Variants in EMX1 observed in about 807,000 individuals in gnomAD.
The protein encoded by EMX1 is empty spiracles homeobox 1, also known as homeobox protein EMX1.
In EMX1, 10 loss-of-function variants were observed where a neutral mutation model predicts 20.1. That is an observed-to-expected ratio of 0.50 (90% CI 0.31 to 0.84). The LOEUF is 0.84. Ranked by LOEUF, EMX1 falls within the 40% of genes least tolerant of loss-of-function variation. The pLI is 0.05. For missense variants in EMX1, 424 were observed against 431.9 expected (o/e 0.98, Z 0.16); for synonymous variants, 250 against 200.4 (o/e 1.25, Z -2.09).
rs1670989315 is a variant in EMX1 at position 72,917,577 on chromosome 2, G to A, written c.-276G>A. 3 of 204,828 alleles carry A rather than the reference G, an allele frequency of 1.5e-5. No homozygotes were observed. Among genetic ancestry groups the A allele is most frequent in the Non-Finnish European group, 2.9e-5 (3 of 103,830 alleles). The allele number at this position is 204,828 out of a possible 1,614,324, so 12.7% of individuals were successfully genotyped here. ...TGGGCAGGGCAGTGCGGGGACACCG[G>A]GGGCTGGGGTCGGTCCCAGCGGGAC... On this transcript the variant is annotated 5_prime_UTR_variant, in exon 1 of 3. Coordinates refer to ENST00000258106, the MANE Select transcript of EMX1 (RefSeq NM_004097.3).
Position 72,918,212 on chromosome 2 carries a change from C to T in EMX1, c.360C>T (p.Pro120=). 1 of 1,568,900 alleles carries T rather than the reference C, an allele frequency of 6.4e-7. No individual in the cohort carries two copies. Among genetic ancestry groups the T allele is most frequent in the Non-Finnish European group, 8.6e-7 (1 of 1,168,970 alleles). ...ACGGTGGGCCCGAGCTCGTGTTCCC[C>T]GAGGCCATGAACCACCCCGCGCTGA... ...SLYGGPELVF[P]EAMNHPALTV... is the part of the protein sequence containing the mutation. The change falls in exon 1 of 3, where the codon CCC becomes CCT. Residue 120 remains proline (P), a synonymous_variant. Coordinates refer to ENST00000258106, the MANE Select transcript of EMX1 (RefSeq NM_004097.3).
chr2:72,924,931 G>C (rs1005214353), intron 2 of EMX1, among the ~76,000 whole-genome samples: 1 of 152,246 alleles, frequency 6.6e-6, no homozygotes, highest in Non-Finnish European at 1.5e-5. Flanking sequence ...GAGCCGGTCC[G>C]CACTGGCTTT....
Position 72,919,180 on chromosome 2 carries a change from T to TGC in EMX1, c.520+808_520+809insGC, listed in dbSNP as rs375370553. Among the ~76,000 whole-genome samples the TGC allele has an allele frequency of 1.1e-4, 15 of 142,614 alleles. No homozygotes were observed. The East Asian group carries it at 1.3e-3, about 12-fold the overall frequency. 93.6% of individuals were successfully genotyped at this position (142,614 alleles called of 152,430 possible). A position where few individuals can be genotyped will look rare whatever the true frequency, so the allele number is the denominator to read the frequency against. On this transcript the variant is annotated intron_variant, in intron 1 of 2. Coordinates refer to ENST00000258106, the MANE Select transcript of EMX1 (RefSeq NM_004097.3). ...GCTAATAAAGATCCTCCACTGGCCC[T>TGC]ACACACACACACACACACACACACA...
At chr2:72,924,105 G>A in intron 1 of EMX1, 1 of 646,808 alleles carries the variant, frequency 1.5e-6, no homozygotes, top group South Asian at 1.8e-5. Flanking sequence ...TCGAGTGCGG[G>A]GAGGTGTTGC....
chr2:72,918,435 G>A, intron 1 of EMX1, 63 bp downstream of exon 1: 1 of 1,348,920 alleles, frequency 7.4e-7, no homozygotes, highest in Non-Finnish European at 9.5e-7. Flanking sequence ...GCGATGCGGG[G>A]GAGGCTCGGG....
Position 72,933,847 on chromosome 2 carries a change from G to C in EMX1, c.766G>C (p.Gly256Arg). 1 of 1,614,276 alleles carries C rather than the reference G, an allele frequency of 6.2e-7. No individual in the cohort carries two copies. Among genetic ancestry groups the C allele is most frequent in the Non-Finnish European group, 8.5e-7 (1 of 1,180,044 alleles). Residue 256 changes from glycine to arginine, a missense_variant, in exon 3 of 3, where the codon GGG becomes CGG. Coordinates refer to ENST00000258106, the MANE Select transcript of EMX1 (RefSeq NM_004097.3). ...KYKRQKLEEE[G>R]PESEQKKKGS... ...CAAACGGCAGAAGCTGGAGGAGGAA[G>C]GGCCTGAGTCCGAGCAGAAGAAGAA...
chr2:72,917,977 G>A lies in EMX1; in HGVS notation c.125G>A (p.Gly42Asp). ...ATMFQPAAKR[G>D]FTIESLVAKD... is the part of the protein sequence containing the mutation. ...ATGTTCCAGCCCGCGGCCAAGCGCG[G>A]CTTTACCATAGAGTCCTTGGTGGCC... Residue 42 changes from glycine (G) to aspartate (D), a missense_variant, in exon 1 of 3, where the codon GGC (glycine) becomes GAC (aspartate). Transcript: ENST00000258106. 1 of 1,488,090 alleles carries A rather than the reference G, an allele frequency of 6.7e-7. No homozygotes were observed. The highest frequency in any genetic ancestry group is 8.9e-7 in the Non-Finnish European group (1 of 1,126,802). The allele number at this position is 1,488,090 out of a possible 1,614,324, so 92.2% of individuals were successfully genotyped here.
chr2:72,918,787 G>A (rs1175016530), intron 1 of EMX1, among the ~76,000 whole-genome samples: 1 of 152,238 alleles, frequency 6.6e-6, no homozygotes, highest in African/African-American at 2.4e-5. Flanking sequence ...CCACCTCCGA[G>A]ACCTCAGCCT....
At chr2:72,921,336 A>C (rs911614323) in intron 1 of EMX1, among the ~76,000 whole-genome samples, 18 of 152,166 alleles carry the variant, frequency 1.2e-4, no homozygotes, top group Non-Finnish European at 2.5e-4. Context: ...CTAGTCCGAA[A>C]CTGACAGCCC....
At chr2:72,925,282 T>TA (rs1559059916) in intron 2 of EMX1, among the ~76,000 whole-genome samples, 1 of 152,220 alleles carries the variant, frequency 6.6e-6, no homozygotes, top group Non-Finnish European at 1.5e-5. Context: ...AATTAACAAT[T>TA]ACCGTGTAGT....
chr2:72,926,789 CCT>C (rs1671207875), intron 2 of EMX1, among the ~76,000 whole-genome samples: 1 of 152,188 alleles, frequency 6.6e-6, no homozygotes, highest in African/African-American at 2.4e-5. Flanking sequence ...ACCTGTGTGT[CCT>C]CTTAGTCCAG....
chr2:72,917,795 C>T lies in EMX1; in HGVS notation c.-58C>T. The stretch of plus-strand genomic sequence containing the variant: ...CTCGCCGCTCCGCGCCTGGCTCGCC[C>T]GCGGGGGCCGAGCGCGAGCGGGCGG... On this transcript the variant is annotated 5_prime_UTR_variant, in exon 1 of 3. Coordinates refer to ENST00000258106, the MANE Select transcript of EMX1 (RefSeq NM_004097.3). The T allele has an allele frequency of 6.3e-6, 8 of 1,260,350 alleles. No homozygotes were observed. The highest frequency in any genetic ancestry group is 8.0e-6 in the Non-Finnish European group (8 of 1,004,752). The allele number at this position is 1,260,350 out of a possible 1,614,324, so 78.1% of individuals were successfully genotyped here. A position where few individuals can be genotyped will look rare whatever the true frequency, so the allele number is the denominator to read the frequency against.
At position 72,924,376 on chromosome 2, in the gene EMX1, C is replaced by T. The variant is rs1671157628; in HGVS notation, c.588C>T (p.Arg196=). 2 of 1,592,718 alleles carry T rather than the reference C, an allele frequency of 1.3e-6. No homozygotes were observed. The highest frequency in any genetic ancestry group is 1.7e-6 in the Non-Finnish European group (2 of 1,174,674). ...GPFARKPKRI[R]TAFSPSQLLR... ...TCGCACGCAAGCCCAAGCGGATCCG[C>T]ACGGCCTTCTCGCCCTCGCAGCTGC... The change falls in exon 2 of 3, where the codon CGC becomes CGT. Residue 196 remains arginine (R), a synonymous_variant. Transcript: ENST00000258106.
At chr2:72,924,219 C>A in intron 1 of EMX1, 90 bp from the exon 2 acceptor site, 2 of 1,484,356 alleles carry the variant, frequency 1.3e-6, no homozygotes, top group Non-Finnish European at 1.8e-6. Flanking sequence ...GGGAGCAGGG[C>A]GCGAGGCCAG....
chr2:72,929,454 G>A (rs1482779879), intron 2 of EMX1, among the ~76,000 whole-genome samples: 2 of 152,176 alleles, frequency 1.3e-5, no homozygotes, highest in African/African-American at 4.8e-5. Flanking sequence ...ACTTAGCATG[G>A]CATTGATTGG....
chr2:72,918,914 C>G (rs989040), intron 1 of EMX1, among the ~76,000 whole-genome samples: 3 of 152,208 alleles, frequency 2.0e-5, no homozygotes, highest in Non-Finnish European at 4.4e-5. Flanking sequence ...GCCTGGCTGT[C>G]TTGGGATGTT....
chr2:72,923,321 G>A (rs1192824593), intron 1 of EMX1: 3 of 152,154 alleles, frequency 2.0e-5, no homozygotes, highest in East Asian at 3.8e-4. Flanking sequence ...ATTTACACAC[G>A]CCCATGCAGA....
chr2:72,923,932 G>A (rs1422091976), intron 1 of EMX1: 1 of 339,552 alleles, frequency 2.9e-6, no homozygotes, highest in Non-Finnish European at 5.5e-6. Context: ...GGGAAAGGGC[G>A]GAGAAAGAGC....
chr2:72,929,730 G>A (rs1239070405), intron 2 of EMX1, among the ~76,000 whole-genome samples: 1 of 152,218 alleles, frequency 6.6e-6, no homozygotes, highest in African/African-American at 2.4e-5. Context: ...CCAAAGTAAA[G>A]TCTGATTAGT....
Sources: allele counts gnomAD v4.1 joint callset (sites outside exome capture counted in the v4.1 genomes callset), GRCh38; gene constraint gnomAD v4.1.1; transcripts MANE v1.5; gene names NCBI Gene and HGNC (gene_info 2026-07-23, HGNC 2026-07-21).